Variants in MECOM observed in about 807,000 individuals in gnomAD.
The protein encoded by MECOM is histone-lysine N-methyltransferase MECOM.
A neutral mutation model predicts 116.3 loss-of-function variants in MECOM; 13 were observed. The ratio of observed to expected loss-of-function variants is 0.11; its 90% CI spans 0.07 to 0.18. The LOEUF (loss-of-function observed/expected upper bound fraction) is 0.18, where lower values mean the gene tolerates loss of function less well. MECOM is among the 10% of genes least tolerant of loss of function. MECOM has a pLI of 1.00. For missense variants in MECOM, 1,299 were observed against 1,509.0 expected (o/e 0.86, Z 2.31); for synonymous variants, 528 against 535.2 (o/e 0.99, Z 0.19).
At chr3:169,604,397 C>T (rs980196951) in intron 1 of MECOM, among the ~76,000 whole-genome samples, 4 of 152,068 alleles carry the variant, frequency 2.6e-5, no homozygotes, top group African/African-American at 9.7e-5. Flanking sequence ...AGACGAGAAA[C>T]CTGAGGTGTA....
rs928835588 is a variant in MECOM at position 169,334,633 on chromosome 3, T to C, written c.375+46554A>G. 2.6e-5 allele frequency among the ~76,000 whole-genome samples: 4 copies of C among 152,176 alleles called. 1 individual carries two copies. Among genetic ancestry groups the C allele is most frequent in the Admixed American group, 6.6e-5 (1 of 15,262 alleles). On this transcript the variant is annotated intron_variant, in intron 2 of 16. Coordinates refer to ENST00000651503, the MANE Select transcript of MECOM (RefSeq NM_004991.4). ...CAGAGAGGATGCTGATCCTGTATAA[T>C]AAGTACACTGGGAAGACAATCAAAT...
At chr3:169,333,374 T>TAA (rs1344921916) in intron 2 of MECOM, among the ~76,000 whole-genome samples, 1 of 152,046 alleles carries the variant, frequency 6.6e-6, no homozygotes, top group Non-Finnish European at 1.5e-5. Flanking sequence ...AGGAATTAAA[T>TAA]AAAATATAGA....
rs74701168 is a variant in MECOM, at chr3:169,424,180, G to A, written c.38-42656C>T. 1.8e-3 allele frequency among the ~76,000 whole-genome samples: 278 copies of A among 152,186 alleles called. 5 individuals carry two copies. In the East Asian group the frequency reaches 0.049, roughly 27 times the overall value. On this transcript the variant is annotated intron_variant, in intron 1 of 16. Transcript: ENST00000651503. ...GTGTTCTGGGAGACCACCTCCTGTA[G>A]GCCTGGCTCAAGAGCTCAATTTCTT...
chr3:169,662,324 G>T (rs749567286), intron 1 of MECOM, among the ~76,000 whole-genome samples: 2 of 152,104 alleles, frequency 1.3e-5, no homozygotes, highest in South Asian at 2.1e-4. Context: ...CCCTCTCCGC[G>T]GCCCAACGCT....
chr3:169,309,052 G>C (rs893384000), intron 2 of MECOM, among the ~76,000 whole-genome samples: 1 of 152,142 alleles, frequency 6.6e-6, no homozygotes, highest in Admixed American at 6.5e-5. Flanking sequence ...ACATTAAAAC[G>C]TCTGGGTTAA....
At position 169,213,161 on chromosome 3, in the gene MECOM, T is replaced by G. The variant is rs16853312; in HGVS notation, c.376-69329A>C. Among the ~76,000 whole-genome samples the G allele has an allele frequency of 3.0e-3, 453 of 152,146 alleles. 3 individuals carry two copies. Among genetic ancestry groups the G allele is most frequent in the African/African-American group, 7.2e-3 (298 of 41,528 alleles). ...CAATTTTCATCACAGGAAAGGAAGCTCCATGAGGGCAAAAATAGTTATCTC... is the reference window on the plus strand; with the variant it reads ...CAATTTTCATCACAGGAAAGGAAGCGCCATGAGGGCAAAAATAGTTATCTC... On this transcript the variant is annotated intron_variant, in intron 2 of 16. Coordinates refer to ENST00000651503, the MANE Select transcript of MECOM (RefSeq NM_004991.4).
chr3:169,348,973 T>C (rs1725830103), intron 2 of MECOM, among the ~76,000 whole-genome samples: 1 of 151,928 alleles, frequency 6.6e-6, no homozygotes, highest in Non-Finnish European at 1.5e-5. Context: ...TGTTAACCAC[T>C]TCTCTAAATA....
chr3:169,513,109 G>T (rs555738476), intron 1 of MECOM, among the ~76,000 whole-genome samples: 3 of 152,216 alleles, frequency 2.0e-5, no homozygotes, highest in South Asian at 2.1e-4. Flanking sequence ...ACAATGAAAT[G>T]CTGTTAACTA....
chr3:169,522,005 G>A lies in MECOM; in HGVS notation c.38-140481C>T, dbSNP rs143584572. 6.5e-3 allele frequency among the ~76,000 whole-genome samples: 995 copies of A among 152,252 alleles called. 7 individuals carry two copies. The highest frequency in any genetic ancestry group is 0.012 in the Non-Finnish European group (798 of 68,016). On this transcript the variant is annotated intron_variant, in intron 1 of 16. Transcript: ENST00000651503. ...GAATATGCATAAGTTATATGCAAAT[G>A]CTATGCCATTTTATGTCAGAGACTT...
At chr3:169,621,763 GAACA>G (rs555024966) in intron 1 of MECOM, among the ~76,000 whole-genome samples, 165 of 152,058 alleles carry the variant, frequency 1.1e-3, no homozygotes, top group Non-Finnish European at 1.8e-3. Flanking sequence ...TCTCAAAAAT[GAACA>G]AACAAACAAA....
intron 1 of MECOM, among the ~76,000 whole-genome samples, chr3:169,564,813 CCAAA>C (rs919995824): frequency 3.3e-4 from 50 of 150,602 alleles, no homozygotes; most frequent in African/African-American, 1.1e-3. Context: ...CTTCAGGTGT[CCAAA>C]CAAATGCTGC....
chr3:169,605,435 A>G (rs1441589790), intron 1 of MECOM, among the ~76,000 whole-genome samples: 1 of 152,234 alleles, frequency 6.6e-6, no homozygotes, highest in African/African-American at 2.4e-5. Flanking sequence ...ATAGACATTA[A>G]CTCTGGAAGA....
chr3:169,477,472 G>A (rs1332974892), intron 1 of MECOM, among the ~76,000 whole-genome samples: 1 of 152,118 alleles, frequency 6.6e-6, no homozygotes, highest in African/African-American at 2.4e-5. Flanking sequence ...AGTCAAGATT[G>A]TTATAGGCTG....
chr3:169,640,888 T>C (rs553557017), intron 1 of MECOM, among the ~76,000 whole-genome samples: 1 of 152,204 alleles, frequency 6.6e-6, no homozygotes, highest in South Asian at 2.1e-4. Context: ...TCACCCTCCC[T>C]TGTCCAATCA....
intron 2 of MECOM, among the ~76,000 whole-genome samples, chr3:169,245,438 T>G (rs951932949): frequency 6.6e-6 from 1 of 152,232 alleles, no homozygotes; most frequent in Non-Finnish European, 1.5e-5. Context: ...GTCAACACAT[T>G]AAAAAGGTGG....
At chr3:169,102,484 A>T (rs1044999949) in intron 10 of MECOM, among the ~76,000 whole-genome samples, 2 of 152,198 alleles carry the variant, frequency 1.3e-5, no homozygotes, top group Non-Finnish European at 2.9e-5. Flanking sequence ...TCATAATCTG[A>T]TATATAATTG....
chr3:169,239,269 T>C (rs1754480037), intron 2 of MECOM, among the ~76,000 whole-genome samples: 1 of 152,104 alleles, frequency 6.6e-6, no homozygotes, highest in South Asian at 2.1e-4. Flanking sequence ...AGGAGAATTA[T>C]GCTTGTGGTT....
At chr3:169,586,466 T>C (rs1395102866) in intron 1 of MECOM, among the ~76,000 whole-genome samples, 1 of 152,206 alleles carries the variant, frequency 6.6e-6, no homozygotes, top group East Asian at 1.9e-4. Context: ...GGAAACCCTT[T>C]ACCAACATTA....
At chr3:169,273,534 T>A (rs1472309702) in intron 2 of MECOM, among the ~76,000 whole-genome samples, 3 of 152,164 alleles carry the variant, frequency 2.0e-5, no homozygotes, top group African/African-American at 7.2e-5. Context: ...TGGTATCAGT[T>A]ATGTTTTCTG....
Sources: gnomAD v4.1 joint callset for allele counts (sites outside exome capture counted in the v4.1 genomes callset) on GRCh38, gnomAD v4.1.1 for gene constraint, MANE v1.5 for transcripts, NCBI Gene and HGNC (gene_info 2026-07-23, HGNC 2026-07-21) for gene names.